The following C11orf97 variants were observed in gnomAD, a reference collection of about 807,000 sequenced individuals.
C11orf97 encodes the protein uncharacterized protein C11orf97.
In C11orf97, 15 loss-of-function variants were observed where a neutral mutation model predicts 16.2. That is an observed-to-expected ratio of 0.93 (90% CI 0.62 to 1.43). The LOEUF (loss-of-function observed/expected upper bound fraction) is 1.43. C11orf97 is among the 40% of genes most tolerant of loss of function. The pLI is 0.00. For synonymous variants in C11orf97, 61 were observed against 65.7 expected, an observed-to-expected ratio of 0.93 and a Z score of 0.34; for missense variants, 171 against 161.2, an observed-to-expected ratio of 1.06 and a Z score of -0.33.
intron 1 of C11orf97, among the ~76,000 whole-genome samples, chr11:94,515,118 C>T (rs1466665768): frequency 2.0e-5 from 3 of 151,998 alleles, no homozygotes; most frequent in African/African-American, 7.2e-5. Context: ...TTTGTAATAA[C>T]CGTAGGAGCT....
chr11:94,519,482 A>C (rs1485583255), intron 2 of C11orf97, among the ~76,000 whole-genome samples: 5 of 152,156 alleles, frequency 3.3e-5, no homozygotes, highest in African/African-American at 1.2e-4. Flanking sequence ...ATTGTTTTAA[A>C]AATCTACATA....
At position 94,531,975 on chromosome 11, in the gene C11orf97, G is replaced by T; in HGVS notation, c.*75G>T. On this transcript the variant is annotated 3_prime_UTR_variant, in exon 4 of 4. Coordinates refer to ENST00000542198, the MANE Select transcript of C11orf97 (RefSeq NM_001190462.2). Reference sequence around the variant, plus strand: ...AAGAACGGAGAAGAAACTCAAGCTTGTTTCAGGATTTAAGATGTGTGCAAA... The same window carrying T: ...AAGAACGGAGAAGAAACTCAAGCTTTTTTCAGGATTTAAGATGTGTGCAAA... 1 of 1,276,620 alleles carries T rather than the reference G, an allele frequency of 7.8e-7. No individual in the cohort carries two copies. Among genetic ancestry groups the T allele is most frequent in the South Asian group, 1.6e-5 (1 of 62,470 alleles). The allele number at this position is 1,276,620 out of a possible 1,614,324, so 79.1% of individuals were successfully genotyped here.
chr11:94,528,076 A>G lies in C11orf97; in HGVS notation c.251-8A>G. Reference sequence around the variant, plus strand: ...TAATTATTTTCTTGCCTTAAAAAATATTGACAGTGGCCCTGGAAGGGATTT... The same window carrying G: ...TAATTATTTTCTTGCCTTAAAAAATGTTGACAGTGGCCCTGGAAGGGATTT... On this transcript the variant is annotated splice_polypyrimidine_tract_variant and splice_region_variant and intron_variant, in intron 2 of 3. Transcript: ENST00000542198. The G allele has an allele frequency of 6.6e-7, 1 of 1,522,354 alleles. No homozygotes were observed. The highest frequency in any genetic ancestry group is 8.8e-7 in the Non-Finnish European group (1 of 1,141,542). The allele number at this position is 1,522,354 out of a possible 1,614,324, so 94.3% of individuals were successfully genotyped here.
chr11:94,516,407 G>A (rs971559898), intron 1 of C11orf97, among the ~76,000 whole-genome samples: 37 of 152,304 alleles, frequency 2.4e-4, no homozygotes, highest in African/African-American at 7.9e-4. Context: ...CACAGTGACC[G>A]TATAACTGCA....
At chr11:94,524,798 C>T (rs989472415) in intron 2 of C11orf97, among the ~76,000 whole-genome samples, 8 of 152,136 alleles carry the variant, frequency 5.3e-5, no homozygotes, top group African/African-American at 1.9e-4. Context: ...GTAGCTCATG[C>T]CTGTAATCCC....
At chr11:94,520,417 C>A (rs1947648773) in intron 2 of C11orf97, among the ~76,000 whole-genome samples, 1 of 152,146 alleles carries the variant, frequency 6.6e-6, no homozygotes, top group African/African-American at 2.4e-5. Flanking sequence ...GTCATGGGCT[C>A]TTTTCTCTAC....
At chr11:94,515,508 TTCTC>T (rs906413951) in intron 1 of C11orf97, among the ~76,000 whole-genome samples, 1 of 151,870 alleles carries the variant, frequency 6.6e-6, no homozygotes, top group African/African-American at 2.4e-5. Context: ...AGAATTTTCT[TTCTC>T]TCTCTCTTTC....
chr11:94,516,986 A>C (rs560372064), intron 1 of C11orf97, among the ~76,000 whole-genome samples: 6 of 152,190 alleles, frequency 3.9e-5, no homozygotes, highest in Non-Finnish European at 8.8e-5. Flanking sequence ...TACATTTCTG[A>C]GAAGAAATGT....
chr11:94,528,366 G>C (rs1189030720), intron 3 of C11orf97, among the ~76,000 whole-genome samples, 157 bp downstream of exon 3: 1 of 152,178 alleles, frequency 6.6e-6, no homozygotes. Flanking sequence ...CATATTATGT[G>C]ATTATGGAAC....
chr11:94,529,758 G>A (rs778263784), intron 3 of C11orf97, among the ~76,000 whole-genome samples: 7 of 152,114 alleles, frequency 4.6e-5, no homozygotes, highest in Non-Finnish European at 8.8e-5. Context: ...GTTGTGTTGC[G>A]GTTAAATAGG....
At chr11:94,525,017 C>T (rs534948225) in intron 2 of C11orf97, among the ~76,000 whole-genome samples, 3 of 150,344 alleles carry the variant, frequency 2.0e-5, no homozygotes, top group African/African-American at 7.3e-5. Context: ...CGAGATCTCA[C>T]CACTGCACTT....
chr11:94,518,073 G>A (rs540593314), intron 2 of C11orf97, among the ~76,000 whole-genome samples: 50 of 150,684 alleles, frequency 3.3e-4, no homozygotes, highest in African/African-American at 5.6e-4. Context: ...GGCGTGAACC[G>A]GGAGGCAGAG....
Position 94,517,662 on chromosome 11 carries a change from A to G in C11orf97, c.225A>G (p.Glu75=), listed in dbSNP as rs2135178526. Residue 75 remains glutamate, a synonymous_variant, in exon 2 of 4, where the codon GAA becomes GAG. Coordinates refer to ENST00000542198, the MANE Select transcript of C11orf97 (RefSeq NM_001190462.2). ...LEEERHIKRD[E]CHIKNPAAVA... ...AAGAACGTCATATTAAGAGAGATGAATGCCACATTAAAAATCCAGCTGCAG... is the reference window on the plus strand; with the variant it reads ...AAGAACGTCATATTAAGAGAGATGAGTGCCACATTAAAAATCCAGCTGCAG... 1 of 1,529,296 alleles carries G rather than the reference A, an allele frequency of 6.5e-7. No homozygotes were observed. The highest frequency in any genetic ancestry group is 1.4e-5 in the African/African-American group (1 of 72,932). 94.7% of individuals were successfully genotyped at this position (1,529,296 alleles called of 1,614,324 possible).
At chr11:94,525,069 GAAAA>G (rs534192532) in intron 2 of C11orf97, among the ~76,000 whole-genome samples, 100 of 69,346 alleles carry the variant, frequency 1.4e-3, no homozygotes, top group Non-Finnish European at 2.6e-3. Flanking sequence ...AAGAAAAAAA[GAAAA>G]AAAAAAAAAA....
chr11:94,514,126 A>G (rs1006858936), intron 1 of C11orf97, among the ~76,000 whole-genome samples: 2 of 152,156 alleles, frequency 1.3e-5, no homozygotes, highest in African/African-American at 2.4e-5. Context: ...TTCAAATTCT[A>G]TCAGGAAATT....
intron 2 of C11orf97, among the ~76,000 whole-genome samples, chr11:94,518,304 T>C (rs1385773300): frequency 6.6e-6 from 1 of 152,158 alleles, no homozygotes; most frequent in Non-Finnish European, 1.5e-5. Context: ...GTATGACAAG[T>C]AACAGTGGTT....
At chr11:94,531,636 G>A (rs534578715) in intron 3 of C11orf97, among the ~76,000 whole-genome samples, 1 of 152,012 alleles carries the variant, frequency 6.6e-6, no homozygotes, top group African/African-American at 2.4e-5. Context: ...CATAGGTCTG[G>A]GGTGGGGTCT....
intron 2 of C11orf97, among the ~76,000 whole-genome samples, chr11:94,527,198 T>G (rs1947707214): frequency 6.6e-6 from 1 of 152,224 alleles, no homozygotes; most frequent in South Asian, 2.1e-4. Context: ...GAGACTATGC[T>G]GCTAGTAATT....
At chr11:94,520,014 A>G (rs1477437774) in intron 2 of C11orf97, among the ~76,000 whole-genome samples, 2 of 152,248 alleles carry the variant, frequency 1.3e-5, no homozygotes, top group Admixed American at 6.5e-5. Context: ...AGAATTCTGC[A>G]TAAAACTTTT....
Sources: allele counts gnomAD v4.1 joint callset (sites outside exome capture counted in the v4.1 genomes callset), GRCh38; gene constraint gnomAD v4.1.1; transcripts MANE v1.5; gene names NCBI Gene and HGNC (gene_info 2026-07-23, HGNC 2026-07-21).